The following CLUAP1 variants were observed in gnomAD, a reference collection of about 807,000 sequenced individuals.
CLUAP1 encodes the protein clusterin-associated protein 1.
CLUAP1 carries 50 observed loss-of-function variants against 55.0 expected under a neutral mutation model. The observed-to-expected ratio is 0.91, with a 90% CI of 0.72 to 1.15. CLUAP1 has a LOEUF of 1.15. Among genes scored for constraint, CLUAP1 ranks in the 50% most tolerant of loss-of-function variants. CLUAP1 has a pLI of 0.00. For synonymous variants in CLUAP1, 195 were observed against 175.4 expected (o/e 1.11, Z -0.88); for missense variants, 530 against 507.6 (o/e 1.04, Z -0.42).
chr16:3,512,167 C>G (rs960593510), intron 4 of CLUAP1, among the ~76,000 whole-genome samples: 1 of 136,632 alleles, frequency 7.3e-6, no homozygotes, highest in Non-Finnish European at 1.5e-5. Context: ...GCCTAGGCAA[C>G]AAGAACGAAA....
intron 9 of CLUAP1, among the ~76,000 whole-genome samples, chr16:3,528,286 T>C (rs2037986389): frequency 6.6e-6 from 1 of 152,182 alleles, no homozygotes; most frequent in South Asian, 2.1e-4. Context: ...ACTTGAGGCA[T>C]CAGGCCCACA....
chr16:3,533,916 A>C (rs118185739), intron 11 of CLUAP1: 1 of 152,136 alleles, frequency 6.6e-6, no homozygotes, highest in Non-Finnish European at 1.5e-5. Context: ...CCTCTTCTCC[A>C]GGGTTTGCCT....
chr16:3,518,049 G>A (rs745684855), intron 6 of CLUAP1, among the ~76,000 whole-genome samples: 1 of 152,126 alleles, frequency 6.6e-6, no homozygotes, highest in African/African-American at 2.4e-5. Flanking sequence ...TTTGATGATT[G>A]TATTGTGGGG....
In CLUAP1 at chr16:3,502,953, C is replaced by T. The variant is rs564885511; in HGVS notation, c.23-1767C>T. ...AGTGGTCAGGAGTATTTAGGCAGTG[C>T]CTTACTGTGTGAAGGAAAGGCTGCT... is the stretch of plus-strand genomic sequence containing the variant. On this transcript the variant is annotated intron_variant, in intron 1 of 11. Transcript: ENST00000576634. Among the ~76,000 whole-genome samples, 18 of 152,220 alleles carry T rather than the reference C, an allele frequency of 1.2e-4. No individual in the cohort carries two copies. In the South Asian group the frequency reaches 3.5e-3, roughly 30 times the overall value.
chr16:3,536,024 C>T (rs1443563057), intron 11 of CLUAP1, 98 bp from the exon 12 acceptor site: 1 of 1,442,754 alleles, frequency 6.9e-7, no homozygotes, highest in Non-Finnish European at 9.5e-7. Flanking sequence ...TTCCTTCACA[C>T]AGGGATGCTG....
In CLUAP1 at chr16:3,523,278, G is replaced by A; in HGVS notation, c.834G>A (p.Arg278=). The A allele has an allele frequency of 6.2e-7, 1 of 1,612,808 alleles. No individual in the cohort carries two copies. Among genetic ancestry groups the A allele is most frequent in the Non-Finnish European group, 8.5e-7 (1 of 1,179,628 alleles). ...AACAACAGCTTGAAGACCATCATAG[G>A]ATGGAGCAAGAAAGGTTTGAGGTGA... ...YLEQQLEDHH[R]MEQERFEEAK... The change falls in exon 8 of 12, where the codon AGG becomes AGA. Residue 278 remains arginine (R), a synonymous_variant. Transcript: ENST00000576634.
intron 6 of CLUAP1, among the ~76,000 whole-genome samples, chr16:3,518,446 T>C (rs925377991): frequency 6.6e-6 from 1 of 152,218 alleles, no homozygotes; most frequent in Non-Finnish European, 1.5e-5. Flanking sequence ...TAAAAGGGTT[T>C]GGGGAGTACA....
At position 3,508,340 on chromosome 16, in the gene CLUAP1, G is replaced by C. The variant is rs759395759; in HGVS notation, c.271G>C (p.Gly91Arg). ...CACTAAGAAGCTTTATCAAGCAGAT[G>C]GGTATGCGGTAAAAGAGCTGCTGAA... ...LNTKKLYQAD[G>R]YAVKELLKIT... The change falls in exon 4 of 12, where the codon GGG (glycine) becomes CGG (arginine). Residue 91 changes from glycine to arginine, a missense_variant. Gly to Arg is a moderately radical substitution (Grantham distance 125). Coordinates refer to ENST00000576634, the MANE Select transcript of CLUAP1 (RefSeq NM_015041.3). The C allele has an allele frequency of 1.2e-6, 2 of 1,608,742 alleles. No individual in the cohort carries two copies. The highest frequency in any genetic ancestry group is 2.2e-5 in the South Asian group (2 of 89,586).
chr16:3,503,109 G>A (rs2037438405), intron 1 of CLUAP1, among the ~76,000 whole-genome samples: 1 of 151,730 alleles, frequency 6.6e-6, no homozygotes, highest in Non-Finnish European at 1.5e-5. Flanking sequence ...CCAGTAACTG[G>A]AATTATAGGC....
intron 9 of CLUAP1, among the ~76,000 whole-genome samples, chr16:3,529,741 A>AT (rs1402112922): frequency 3.0e-4 from 7 of 23,592 alleles, no homozygotes; most frequent in East Asian, 2.3e-3. Flanking sequence ...ATATTATTAT[A>AT]TATTATATAT....
intron 6 of CLUAP1, among the ~76,000 whole-genome samples, chr16:3,519,364 T>C (rs1054066959): frequency 5.3e-5 from 8 of 152,236 alleles, no homozygotes; most frequent in Non-Finnish European, 1.0e-4. Flanking sequence ...TTTTAGTCTG[T>C]AGTCAAGCTT....
chr16:3,523,451 G>A (rs1250081182), intron 8 of CLUAP1, 152 bp downstream of exon 8: 10 of 925,720 alleles, frequency 1.1e-5, no homozygotes, highest in Non-Finnish European at 9.4e-6. Context: ...TAATGTGTTT[G>A]TTTTGCTGGC....
At chr16:3,518,870 G>T (rs970695641) in intron 6 of CLUAP1, among the ~76,000 whole-genome samples, 10 of 152,184 alleles carry the variant, frequency 6.6e-5, no homozygotes, top group Admixed American at 2.0e-4. Context: ...TTTCTCTGTG[G>T]AGCCCATAGC....
intron 8 of CLUAP1, among the ~76,000 whole-genome samples, chr16:3,524,308 A>G (rs1166368234): frequency 1.4e-5 from 2 of 145,394 alleles, no homozygotes; most frequent in African/African-American, 2.5e-5. Context: ...TCTCAAAAAG[A>G]AAAAAAAAAA....
chr16:3,496,794 G>A, upstream of CLUAP1: 1 of 387,920 alleles, frequency 2.6e-6, no homozygotes, highest in Non-Finnish European at 5.1e-6. Context: ...AAAGATTTTG[G>A]ATGCTGACAA....
At chr16:3,507,123 G>A (rs181090685) in intron 3 of CLUAP1, among the ~76,000 whole-genome samples, 2 of 151,798 alleles carry the variant, frequency 1.3e-5, no homozygotes, top group Admixed American at 6.6e-5. Flanking sequence ...GTGAACCTGG[G>A]AGGCAGAGCT....
At chr16:3,530,287 A>G (rs2038088485) in intron 9 of CLUAP1, among the ~76,000 whole-genome samples, 1 of 152,146 alleles carries the variant, frequency 6.6e-6, no homozygotes, top group Admixed American at 6.5e-5. Context: ...GAAATCATAT[A>G]ATAGCAATTG....
chr16:3,527,659 G>A (rs886264859), intron 9 of CLUAP1, among the ~76,000 whole-genome samples: 2 of 152,184 alleles, frequency 1.3e-5, no homozygotes, highest in Non-Finnish European at 2.9e-5. Flanking sequence ...CGGTGATACT[G>A]TGCTTCAGTG....
At position 3,536,296 on chromosome 16, in the gene CLUAP1, GA is replaced by G; in HGVS notation, c.*26del. ...ACCCTTTTGCCAAGGGACCCTGGCA[GA>G]TTAAAACCCTCAGACTTGTAGGTAA... On this transcript the variant is annotated 3_prime_UTR_variant, in exon 12 of 12. Coordinates refer to ENST00000576634, the MANE Select transcript of CLUAP1 (RefSeq NM_015041.3). 6.2e-7 allele frequency: 1 copy of G among 1,609,846 alleles called. No individual in the cohort carries two copies. Among genetic ancestry groups the G allele is most frequent in the South Asian group, 1.1e-5 (1 of 90,710 alleles).
Sources: gnomAD v4.1 joint callset for allele counts (sites outside exome capture counted in the v4.1 genomes callset) on GRCh38, gnomAD v4.1.1 for gene constraint, MANE v1.5 for transcripts, NCBI Gene and HGNC (gene_info 2026-07-23, HGNC 2026-07-21) for gene names.